Variants in RPS6KC1 observed in about 807,000 individuals in gnomAD.
RPS6KC1 encodes the protein inactive ribosomal protein S6 kinase delta-1.
A neutral mutation model predicts 103.8 loss-of-function variants in RPS6KC1; 54 were observed. The observed-to-expected ratio is 0.52, with a 90% CI of 0.42 to 0.65. The LOEUF is 0.65. Among genes scored for constraint, RPS6KC1 ranks in the 30% least tolerant of loss-of-function variants. The pLI, the probability that RPS6KC1 is intolerant of heterozygous loss-of-function variation, is 0.00. For missense variants in RPS6KC1, 1,151 were observed against 1,253.8 expected (o/e 0.92, Z 1.24); for synonymous variants, 439 against 438.7 (o/e 1.00, Z -0.01).
the RPS6KC1 span, among the ~76,000 whole-genome samples, chr1:213,707,278 T>C: frequency 4.6e-5 from 7 of 152,180 alleles, no homozygotes; most frequent in East Asian, 1.3e-3. Flanking sequence ...GTGGTTTTGA[T>C]TTGCATTTCT....
At position 213,147,489 on chromosome 1, in the gene RPS6KC1, G is replaced by T. The variant is rs1456276018; in HGVS notation, c.835+17600G>T. On this transcript the variant is annotated intron_variant, in intron 6 of 14. Transcript: ENST00000366960. Reference sequence around the variant, plus strand: ...AGTGTATGTTCTTGGCACCTTTGTCGAAAATGAGTTCACTGTAGGTGTGTG... The same window carrying T: ...AGTGTATGTTCTTGGCACCTTTGTCTAAAATGAGTTCACTGTAGGTGTGTG... Among the ~76,000 whole-genome samples, 3 of 152,044 alleles carry T rather than the reference G, an allele frequency of 2.0e-5. No individual in the cohort carries two copies. The South Asian group carries it at 6.2e-4, about 32-fold the overall frequency.
chr1:213,066,993 T>A (rs1177475732), intron 1 of RPS6KC1, among the ~76,000 whole-genome samples: 1 of 152,174 alleles, frequency 6.6e-6, no homozygotes, highest in African/African-American at 2.4e-5. Flanking sequence ...CATACCAGAT[T>A]GCCTCATTTG....
At chr1:213,348,362 C>G in the RPS6KC1 span, among the ~76,000 whole-genome samples, 4 of 152,160 alleles carry the variant, frequency 2.6e-5, no homozygotes. Context: ...GTTTTCATTC[C>G]TCTTGCCATT....
the RPS6KC1 span, among the ~76,000 whole-genome samples, chr1:213,826,989 C>G: frequency 2.6e-5 from 4 of 152,136 alleles, no homozygotes; most frequent in Non-Finnish European, 4.4e-5. Flanking sequence ...TAATGGATTT[C>G]CACTCCGCAG....
the RPS6KC1 span, among the ~76,000 whole-genome samples, chr1:213,504,689 T>A: frequency 1.3e-5 from 2 of 152,266 alleles, no homozygotes; most frequent in Admixed American, 6.5e-5. Flanking sequence ...AAAAGTATTA[T>A]CTTTTCTATT....
At chr1:213,100,662 A>G (rs2081939190) in intron 3 of RPS6KC1, among the ~76,000 whole-genome samples, 2 of 152,146 alleles carry the variant, frequency 1.3e-5, no homozygotes, top group South Asian at 2.1e-4. Context: ...TTTAGCTCCC[A>G]CTTAAAAGTG....
the RPS6KC1 span, among the ~76,000 whole-genome samples, chr1:213,314,722 G>A: frequency 4.6e-5 from 7 of 150,858 alleles, no homozygotes; most frequent in Admixed American, 4.6e-4. Flanking sequence ...GGGGGAAATA[G>A]GCCCATTAAA....
At chr1:213,714,577 A>C in the RPS6KC1 span, among the ~76,000 whole-genome samples, 1,546 of 152,314 alleles carry the variant, frequency 0.01, 32 homozygotes, top group East Asian at 0.082. Context: ...AGGGCATCAC[A>C]TATTGTGGGC....
chr1:213,753,559 C>A, the RPS6KC1 span, among the ~76,000 whole-genome samples: 1 of 152,264 alleles, frequency 6.6e-6, no homozygotes, highest in South Asian at 2.1e-4. Context: ...CTGTTGCTCA[C>A]CGTCTTTGTT....
chr1:213,089,359 C>G (rs2080747146), intron 3 of RPS6KC1, among the ~76,000 whole-genome samples: 1 of 151,832 alleles, frequency 6.6e-6, no homozygotes, highest in Non-Finnish European at 1.5e-5. Flanking sequence ...TATTCAATAT[C>G]AATGGTTCCT....
At chr1:213,661,613 A>G in the RPS6KC1 span, among the ~76,000 whole-genome samples, 5 of 152,318 alleles carry the variant, frequency 3.3e-5, no homozygotes, top group East Asian at 3.9e-4. Context: ...AGAGCACACG[A>G]TAACTCAAGT....
At chr1:213,206,675 T>A (rs2093358148) in intron 8 of RPS6KC1, among the ~76,000 whole-genome samples, 1 of 152,268 alleles carries the variant, frequency 6.6e-6, no homozygotes, top group Non-Finnish European at 1.5e-5. Flanking sequence ...ATCTTTCAGT[T>A]ATTTCAAGAT....
chr1:213,857,097 T>C, the RPS6KC1 span, among the ~76,000 whole-genome samples: 1 of 152,200 alleles, frequency 6.6e-6, no homozygotes, highest in Admixed American at 6.5e-5. Context: ...AGGTGAGGCA[T>C]ATGAAAATAA....
the RPS6KC1 span, among the ~76,000 whole-genome samples, chr1:213,519,139 G>A: frequency 2.0e-5 from 3 of 152,142 alleles, no homozygotes; most frequent in Admixed American, 2.0e-4. Context: ...ATTCCACCCT[G>A]GAACTTAATA....
the RPS6KC1 span, among the ~76,000 whole-genome samples, chr1:213,837,668 AGT>A: frequency 6.6e-6 from 1 of 151,864 alleles, no homozygotes; most frequent in Admixed American, 6.6e-5. Flanking sequence ...TTTACAGCTG[AGT>A]GTGTGTGTGT....
intron 8 of RPS6KC1, among the ~76,000 whole-genome samples, chr1:213,186,153 C>G (rs556079859): frequency 6.7e-6 from 1 of 149,514 alleles, no homozygotes; most frequent in East Asian, 2.0e-4. Flanking sequence ...GTATAGGATT[C>G]TGGGTTTGTT....
At chr1:213,451,181 C>T in the RPS6KC1 span, among the ~76,000 whole-genome samples, 3 of 152,166 alleles carry the variant, frequency 2.0e-5, no homozygotes, top group Non-Finnish European at 2.9e-5. Flanking sequence ...AAACAGTTGT[C>T]ACATTTCTAC....
At chr1:213,651,979 C>T in the RPS6KC1 span, among the ~76,000 whole-genome samples, 1 of 152,144 alleles carries the variant, frequency 6.6e-6, no homozygotes, top group Non-Finnish European at 1.5e-5. Flanking sequence ...TCACCCTGTA[C>T]TATTTGTTCT....
At chr1:213,085,363 T>A (rs917304466) in intron 3 of RPS6KC1, among the ~76,000 whole-genome samples, 1 of 152,220 alleles carries the variant, frequency 6.6e-6, no homozygotes, top group Non-Finnish European at 1.5e-5. Context: ...TCAAGATCCT[T>A]CATCATATCT....
Sources: allele counts gnomAD v4.1 joint callset (sites outside exome capture counted in the v4.1 genomes callset), GRCh38; gene constraint gnomAD v4.1.1; transcripts MANE v1.5; gene names NCBI Gene and HGNC (gene_info 2026-07-23, HGNC 2026-07-21).